Variants in RCOR2 observed in about 807,000 individuals in gnomAD.
The protein encoded by RCOR2 is REST corepressor 2.
Under a neutral mutation model 58.9 loss-of-function variants are expected in RCOR2, and 19 were observed. The observed-to-expected ratio is 0.32, with a 90% CI of 0.23 to 0.47. The LOEUF is 0.47. RCOR2 is among the 20% of genes least tolerant of loss of function. The pLI, the probability that RCOR2 is intolerant of heterozygous loss-of-function variation, is 1.00. For missense variants in RCOR2, 590 were observed against 707.9 expected, an observed-to-expected ratio of 0.83 and a Z score of 1.89; for synonymous variants, 286 against 278.7, an observed-to-expected ratio of 1.03 and a Z score of -0.26.
the RCOR2 span, among the ~76,000 whole-genome samples, chr11:63,926,779 G>GTTTTTTTTTTTTTTTTTTTTTTTT: frequency 8.4e-6 from 1 of 119,242 alleles, no homozygotes; most frequent in Non-Finnish European, 1.8e-5. Context: ...TGCCTGGCCT[G>GTTTTTTTTTTTTTTTTTTTTTTTT]TTTTTTTTTT....
chr11:63,914,745 T>C lies in RCOR2; in HGVS notation c.390A>G (p.Pro130=). The change falls in exon 5 of 12, where the codon CCA becomes CCG. Residue 130 remains proline (P), a synonymous_variant. Transcript: ENST00000301459. The part of the protein sequence containing the change: ...KSLADLANFT[P]FPDEWTVEDK... ...CCTCTACTGTCCACTCGTCAGGGAA[T>C]GGGGTGAAGTTGGCCAGGTCGGCCA... is the stretch of plus-strand genomic sequence containing the variant. The C allele has an allele frequency of 1.2e-6, 2 of 1,613,490 alleles. No homozygotes were observed. Among genetic ancestry groups the C allele is most frequent in the Non-Finnish European group, 1.7e-6 (2 of 1,179,724 alleles).
rs946784950 is a variant in RCOR2 at position 63,916,604 on chromosome 11, G to A, written c.-148C>T. The A allele has an allele frequency of 6.6e-6, 9 of 1,364,580 alleles. No homozygotes were observed. In the African/African-American group the frequency reaches 1.3e-4, roughly 20 times the overall value. The allele number at this position is 1,364,580 out of a possible 1,614,324, so 84.5% of individuals were successfully genotyped here. A position where few individuals can be genotyped will look rare whatever the true frequency, so the allele number is the denominator to read the frequency against. Reference sequence around the variant, plus strand: ...AGGAGGTCAGCGTGGCTAGGGTCCGGCGGGGTGGGAGCCCACCTGGTAGCC... The same window carrying A: ...AGGAGGTCAGCGTGGCTAGGGTCCGACGGGGTGGGAGCCCACCTGGTAGCC... On this transcript the variant is annotated 5_prime_UTR_variant, in exon 1 of 12. Coordinates refer to ENST00000301459, the MANE Select transcript of RCOR2 (RefSeq NM_173587.4).
upstream of RCOR2, among the ~76,000 whole-genome samples, chr11:63,919,941 C>A (rs763959557): frequency 1.6e-4 from 25 of 152,256 alleles, no homozygotes; most frequent in Non-Finnish European, 3.1e-4. Context: ...CCTACACAGG[C>A]CTCCGCCAGA....
At position 63,914,912 on chromosome 11, in the gene RCOR2, T is replaced by G; in HGVS notation, c.308A>C (p.Asn103Thr). 1 of 1,613,908 alleles carries G rather than the reference T, an allele frequency of 6.2e-7. No individual in the cohort carries two copies. The change falls in exon 4 of 12, where the codon AAC (asparagine) becomes ACC (threonine). Residue 103 changes from asparagine (N) to threonine (T), a missense_variant. This residue lies in a region of RCOR2 where 390 missense variants were observed against 478.7 expected (regional missense o/e 0.81). Transcript: ENST00000301459. ...GGGGCCAAGGCTCACCTGCTCAATG[T>G]TGTAGCCATGCTTCTCCTTGGCCAT... is the stretch of plus-strand genomic sequence containing the variant. ...IAMAKEKHGYNIEQALGMLLW... is the reference protein window; with the variant it reads ...IAMAKEKHGYTIEQALGMLLW...
In RCOR2 at chr11:63,916,439, C is replaced by G; in HGVS notation, c.18G>C (p.Glu6Asp). Residue 6 changes from glutamate (E) to aspartate (D), a missense_variant, in exon 1 of 12, where the codon GAG (glutamate) becomes GAC (aspartate). Coordinates refer to ENST00000301459, the MANE Select transcript of RCOR2 (RefSeq NM_173587.4). MPSVM[E>D]KPSAGSGILS... ...GGATCCCAGAGCCCGCGCTCGGCTT[C>G]TCCATCACTGAGGGCATTACCCCGC... 1 of 1,608,398 alleles carries G rather than the reference C, an allele frequency of 6.2e-7. No homozygotes were observed. Among genetic ancestry groups the G allele is most frequent in the Non-Finnish European group, 8.5e-7 (1 of 1,178,318 alleles).
chr11:63,915,511 G>A, intron 2 of RCOR2, 44 bp downstream of exon 2: 1 of 1,539,612 alleles, frequency 6.5e-7, no homozygotes, highest in East Asian at 2.4e-5. Flanking sequence ...CCAAGCCCCG[G>A]GCCTCCACCC....
Position 63,914,285 on chromosome 11 carries a change from G to C in RCOR2, c.651C>G (p.Pro217=). The C allele has an allele frequency of 1.2e-6, 2 of 1,613,416 alleles. No individual in the cohort carries two copies. Among genetic ancestry groups the C allele is most frequent in the Admixed American group, 1.7e-5 (1 of 60,004 alleles). Residue 217 remains proline, a synonymous_variant, in exon 7 of 12, where the codon CCC becomes CCG. Transcript: ENST00000301459. ...EGRGGVSEGE[P]DPADPKREPL... is the part of the protein sequence containing the mutation. ...CCTCTCTCTTGGGATCTGCAGGATC[G>C]GGCTCTCCCTCACTCACGCCTCCTC...
chr11:63,915,623 G>A lies in RCOR2; in HGVS notation c.128-12C>T, dbSNP rs531440547. ...GCGGATCATGCTGTCTGTGGAGCCA[G>A]GGGGAGGCAGTCAGGACTCCAGGGA... On this transcript the variant is annotated splice_polypyrimidine_tract_variant and intron_variant, in intron 1 of 11. Transcript: ENST00000301459. The A allele has an allele frequency of 1.4e-5, 22 of 1,551,418 alleles. No homozygotes were observed. The Admixed American group carries it at 2.5e-4, about 18-fold the overall frequency.
rs773256229 is a variant in RCOR2, at chr11:63,912,672, C to T, written c.1027+4G>A. The T allele has an allele frequency of 1.2e-5, 19 of 1,613,906 alleles. No homozygotes were observed. Among genetic ancestry groups the T allele is most frequent in the Non-Finnish European group, 1.7e-6 (2 of 1,179,964 alleles). On this transcript the variant is annotated splice_donor_region_variant and intron_variant, in intron 10 of 11. Coordinates refer to ENST00000301459, the MANE Select transcript of RCOR2 (RefSeq NM_173587.4). ...TCCTCTCTTCTCACCACAGTTTAAC[C>T]CACCTTGAACAGCCAAAAGCTGCTC... is the stretch of plus-strand genomic sequence containing the variant.
At chr11:63,922,108 GGAT>G (rs1232243317), upstream of RCOR2, among the ~76,000 whole-genome samples, 1 of 152,176 alleles carries the variant, frequency 6.6e-6, no homozygotes, top group African/African-American at 2.4e-5. Context: ...TGCCATGTGA[GGAT>G]GCAGCAAGAA....
chr11:63,915,051 T>C (rs1207834009), intron 3 of RCOR2, 97 bp from the exon 4 acceptor site: 1 of 1,560,222 alleles, frequency 6.4e-7, no homozygotes, highest in Non-Finnish European at 8.8e-7. Flanking sequence ...GCCAGGTCCC[T>C]GAACACGAGC....
In RCOR2 at chr11:63,914,059, G is replaced by A; in HGVS notation, c.786C>T (p.Gly262=). ...TGAGGCCTTCAGGGCTCAGGTACAT[G>A]CCCTTGGGTGGGCGACGCCGGGTTC... The part of the protein sequence containing the change: ...PLRTRRRPPK[G]MYLSPEGLTA... Residue 262 remains glycine, a synonymous_variant, in exon 8 of 12, where the codon GGC becomes GGT. Transcript: ENST00000301459. 6.2e-7 allele frequency: 1 copy of A among 1,613,904 alleles called. No homozygotes were observed. The highest frequency in any genetic ancestry group is 8.5e-7 in the Non-Finnish European group (1 of 1,179,978).
upstream of RCOR2, among the ~76,000 whole-genome samples, chr11:63,920,654 G>A (rs1348930732): frequency 3.9e-5 from 6 of 152,178 alleles, no homozygotes; most frequent in Non-Finnish European, 8.8e-5. Context: ...TCCATCGACT[G>A]GGGGCCTGGC....
rs1262136192 is a variant in RCOR2, at chr11:63,915,559, C to A, written c.180G>T (p.Lys60Asn). 6.4e-7 allele frequency: 1 copy of A among 1,558,812 alleles called. No homozygotes were observed. The highest frequency in any genetic ancestry group is 8.7e-7 in the Non-Finnish European group (1 of 1,151,186). Residue 60 changes from lysine to asparagine, a missense_variant, in exon 2 of 12, where the codon AAG (lysine) becomes AAT (asparagine). Lys to Asn is a moderately conservative substitution (Grantham distance 94). Transcript: ENST00000301459. Reference sequence around the variant, plus strand: ...ACAGCCTGTCCTGCGGCTCACCAGGCTTGCACTCCGGAATTACGGCCTGGT... The same window carrying A: ...ACAGCCTGTCCTGCGGCTCACCAGGATTGCACTCCGGAATTACGGCCTGGT... ...TNYQAVIPECKPESPARYSNK... is the reference protein window; with the variant it reads ...TNYQAVIPECNPESPARYSNK...
Position 63,913,992 on chromosome 11 carries a change from G to T in RCOR2, c.853C>A (p.Arg285=). 6.2e-7 allele frequency: 1 copy of T among 1,613,780 alleles called. No homozygotes were observed. The highest frequency in any genetic ancestry group is 8.5e-7 in the Non-Finnish European group (1 of 1,180,004). The stretch of plus-strand genomic sequence containing the variant: ...GAGATGAGCTGAGAGTCAAGACCTC[G>T]GAGCGTGAGGTTGGCAAGGTCCGGG... ...GSPDLANLTL[R]GLDSQLISLK... is the part of the protein sequence containing the mutation. The change falls in exon 8 of 12, where the codon CGA becomes AGA. Residue 285 remains arginine, a synonymous_variant. Transcript: ENST00000301459.
the RCOR2 span, among the ~76,000 whole-genome samples, chr11:63,922,677 C>T: frequency 6.6e-6 from 1 of 152,184 alleles, no homozygotes; most frequent in Non-Finnish European, 1.5e-5. Flanking sequence ...TTAAATATAG[C>T]TTCGATTATA....
chr11:63,925,513 G>T, the RCOR2 span, among the ~76,000 whole-genome samples: 15 of 152,086 alleles, frequency 9.9e-5, no homozygotes, highest in African/African-American at 3.6e-4. Context: ...AGAATACCAC[G>T]AGGAGATGGA....
At chr11:63,925,378 A>T in the RCOR2 span, among the ~76,000 whole-genome samples, 1 of 152,178 alleles carries the variant, frequency 6.6e-6, no homozygotes, top group Non-Finnish European at 1.5e-5. Context: ...TGAATGCTTC[A>T]GAAATGAACT....
chr11:63,925,143 G>T, the RCOR2 span, among the ~76,000 whole-genome samples: 1 of 152,016 alleles, frequency 6.6e-6, no homozygotes, highest in Admixed American at 6.6e-5. Flanking sequence ...GTGAGCCACT[G>T]CGCCCAGCCT....
Sources: gnomAD v4.1 joint callset for allele counts (sites outside exome capture counted in the v4.1 genomes callset) on GRCh38, gnomAD v4.1.1 for gene constraint, gnomAD v4.1.1 regional missense constraint, MANE v1.5 for transcripts, NCBI Gene and HGNC (gene_info 2026-07-23, HGNC 2026-07-21) for gene names.